The following PCDH15 variants were observed in gnomAD, a reference collection of about 807,000 sequenced individuals.
PCDH15 encodes the protein protocadherin-15.
In PCDH15, 129 loss-of-function variants were observed where a neutral mutation model predicts 178.5. The observed-to-expected ratio is 0.72, with a 90% confidence interval of 0.63 to 0.84. PCDH15 has a LOEUF of 0.84. Among genes scored for constraint, PCDH15 ranks in the 40% least tolerant of loss-of-function variants. The pLI is 0.00. For missense variants in PCDH15, 2,230 were observed against 2,099.9 expected (o/e 1.06, Z -1.21); for synonymous variants, 800 against 732.0 (o/e 1.09, Z -1.50).
chr10:53,821,372 C>A, intron 32 of PCDH15: 2 of 993,922 alleles, frequency 2.0e-6, no homozygotes, highest in Non-Finnish European at 2.4e-6. Flanking sequence ...TATTTTACTT[C>A]GGTAGTATTT....
At chr10:54,400,130 A>G (rs1951751096) in intron 3 of PCDH15, among the ~76,000 whole-genome samples, 2 of 152,134 alleles carry the variant, frequency 1.3e-5, no homozygotes, top group Non-Finnish European at 2.9e-5. Flanking sequence ...ATTTCTAGCC[A>G]AACTTAGAAG....
At chr10:54,173,483 C>T (rs1035960295) in intron 13 of PCDH15, among the ~76,000 whole-genome samples, 7 of 151,970 alleles carry the variant, frequency 4.6e-5, no homozygotes, top group African/African-American at 1.7e-4. Flanking sequence ...GGAAGTACTA[C>T]GTTATAGGGA....
At chr10:54,582,464 A>T (rs924106850) in intron 2 of PCDH15, among the ~76,000 whole-genome samples, 3 of 152,118 alleles carry the variant, frequency 2.0e-5, no homozygotes, top group African/African-American at 7.2e-5. Context: ...TAATCAAGAC[A>T]TTATTTTTCT....
chr10:55,019,989 A>G (rs965188719), intron 2 of PCDH15, among the ~76,000 whole-genome samples: 5 of 151,880 alleles, frequency 3.3e-5, no homozygotes, highest in African/African-American at 1.2e-4. Flanking sequence ...GAAAGAAGTC[A>G]CAAAAGAGCT....
intron 2 of PCDH15, among the ~76,000 whole-genome samples, chr10:54,936,602 T>C (rs1837912991): frequency 6.6e-6 from 1 of 151,990 alleles, no homozygotes; most frequent in African/African-American, 2.4e-5. Flanking sequence ...TATATTACTG[T>C]GAATTTAATT....
intron 1 of PCDH15, among the ~76,000 whole-genome samples, chr10:54,675,848 T>C (rs2094778278): frequency 1.3e-5 from 2 of 152,178 alleles, no homozygotes; most frequent in South Asian, 4.1e-4. Flanking sequence ...TTAGCCCAGA[T>C]TAGCATTGAT....
chr10:55,549,844 T>C (rs918765310), intron 2 of PCDH15, among the ~76,000 whole-genome samples: 8 of 152,100 alleles, frequency 5.3e-5, no homozygotes, highest in African/African-American at 1.7e-4. Flanking sequence ...TCATTGTCAA[T>C]TGGTACGACA....
At chr10:55,109,556 C>A (rs192831321) in intron 2 of PCDH15, among the ~76,000 whole-genome samples, 20 of 152,150 alleles carry the variant, frequency 1.3e-4, no homozygotes, top group African/African-American at 4.6e-4. Context: ...AAAAATTGCT[C>A]ATTTTACCTC....
intron 2 of PCDH15, among the ~76,000 whole-genome samples, chr10:55,560,872 T>C (rs955534388): frequency 2.6e-5 from 4 of 151,212 alleles, no homozygotes; most frequent in Admixed American, 6.7e-5. Context: ...AAATATAACA[T>C]ATAAATAAGG....
intron 3 of PCDH15, among the ~76,000 whole-genome samples, chr10:54,824,958 G>T (rs1953101181): frequency 6.6e-6 from 1 of 151,884 alleles, no homozygotes; most frequent in Non-Finnish European, 1.5e-5. Context: ...GTGGCATGTT[G>T]GTGTGCTGCA....
chr10:55,268,368 C>T (rs1210460962), intron 1 of PCDH15, among the ~76,000 whole-genome samples: 1 of 152,136 alleles, frequency 6.6e-6, no homozygotes, highest in Non-Finnish European at 1.5e-5. Flanking sequence ...CACAAAATCA[C>T]ATACCAAAAT....
chr10:53,988,324 C>T (rs142653211), intron 21 of PCDH15, among the ~76,000 whole-genome samples: 235 of 152,286 alleles, frequency 1.5e-3, no homozygotes, highest in African/African-American at 5.4e-3. Flanking sequence ...GCTCCTTCAG[C>T]CTCCATCCTC....
chr10:55,382,556 G>A (rs1371600218), intron 2 of PCDH15, among the ~76,000 whole-genome samples: 1 of 152,142 alleles, frequency 6.6e-6, no homozygotes, highest in African/African-American at 2.4e-5. Flanking sequence ...AAAGGTACAC[G>A]GCCAGAACAA....
chr10:54,880,859 A>C (rs965726783), intron 3 of PCDH15, among the ~76,000 whole-genome samples: 3 of 151,392 alleles, frequency 2.0e-5, no homozygotes, highest in African/African-American at 7.3e-5. Context: ...AGGATTTTTT[A>C]AAACTTGTAT....
At chr10:54,743,682 A>T (rs1317168008) in intron 1 of PCDH15, among the ~76,000 whole-genome samples, 1 of 152,070 alleles carries the variant, frequency 6.6e-6, no homozygotes, top group Non-Finnish European at 1.5e-5. Flanking sequence ...TTCCAACATA[A>T]TATAGAGGCA....
chr10:55,362,228 A>G (rs1344706037), intron 2 of PCDH15, among the ~76,000 whole-genome samples: 1 of 152,026 alleles, frequency 6.6e-6, no homozygotes, highest in Non-Finnish European at 1.5e-5. Flanking sequence ...TTTTTATCTA[A>G]CTCTCAATAA....
intron 2 of PCDH15, among the ~76,000 whole-genome samples, chr10:55,546,691 G>A (rs1564447371): frequency 6.6e-6 from 1 of 152,114 alleles, no homozygotes; most frequent in Non-Finnish European, 1.5e-5. Flanking sequence ...ATGGTTAAGG[G>A]AGACATAGTT....
intron 32 of PCDH15, chr10:53,822,175 T>C: frequency 6.2e-7 from 1 of 1,614,062 alleles, no homozygotes; most frequent in South Asian, 1.1e-5. Context: ...GGCATCAAGT[T>C]GGTCGTGCAT....
chr10:54,077,633 C>T (rs997115773), intron 17 of PCDH15, among the ~76,000 whole-genome samples: 2 of 152,172 alleles, frequency 1.3e-5, no homozygotes, highest in South Asian at 2.1e-4. Context: ...TCCTTCTCCT[C>T]CTTAGAATAT....
Sources: gnomAD v4.1 joint callset for allele counts (sites outside exome capture counted in the v4.1 genomes callset) on GRCh38, gnomAD v4.1.1 for gene constraint, MANE v1.5 for transcripts, NCBI Gene and HGNC (gene_info 2026-07-23, HGNC 2026-07-21) for gene names.